PPP1R3A: variants seen among roughly 807,000 people sequenced by gnomAD.
The protein encoded by PPP1R3A is protein phosphatase 1 regulatory subunit 3A.
PPP1R3A carries 29 observed loss-of-function variants against 41.7 expected under a neutral mutation model. The observed-to-expected ratio is 0.70, with a 90% confidence interval of 0.52 to 0.95. PPP1R3A has a LOEUF of 0.95. Ranked by LOEUF, PPP1R3A falls within the 40% of genes least tolerant of loss-of-function variation. PPP1R3A has a pLI of 0.00. For missense variants in PPP1R3A, 1,352 were observed against 1,292.4 expected (o/e 1.05, Z -0.71); for synonymous variants, 485 against 453.4 (o/e 1.07, Z -0.89).
chr7:113,880,855 T>C (rs1043239653), intron 3 of PPP1R3A, among the ~76,000 whole-genome samples: 3 of 152,070 alleles, frequency 2.0e-5, no homozygotes, highest in Non-Finnish European at 4.4e-5. Context: ...TGCCTGTGGG[T>C]TCCACAGATT....
chr7:113,893,010 C>T (rs1317512962), intron 1 of PPP1R3A, among the ~76,000 whole-genome samples: 1 of 151,856 alleles, frequency 6.6e-6, no homozygotes, highest in Non-Finnish European at 1.5e-5. Flanking sequence ...TCATGCTGAC[C>T]TTTCTCTCTA....
intron 1 of PPP1R3A, among the ~76,000 whole-genome samples, chr7:113,908,444 A>G (rs1797182732): frequency 6.6e-6 from 1 of 151,974 alleles, no homozygotes; most frequent in South Asian, 2.1e-4. Context: ...TTTCCTAAAT[A>G]ATCAACTGGA....
At chr7:113,909,707 G>T (rs1252506018) in intron 1 of PPP1R3A, among the ~76,000 whole-genome samples, 5 of 151,996 alleles carry the variant, frequency 3.3e-5, no homozygotes, top group Non-Finnish European at 5.9e-5. Context: ...TATTTGACAT[G>T]GAAAATAGAA....
At chr7:113,896,742 A>G (rs1796981691) in intron 1 of PPP1R3A, among the ~76,000 whole-genome samples, 1 of 151,872 alleles carries the variant, frequency 6.6e-6, no homozygotes, top group Non-Finnish European at 1.5e-5. Context: ...AAATGAGGAA[A>G]CAGATGTAAG....
intron 1 of PPP1R3A, among the ~76,000 whole-genome samples, chr7:113,888,375 G>C (rs1411388882): frequency 1.3e-5 from 2 of 151,994 alleles, no homozygotes; most frequent in African/African-American, 4.8e-5. Context: ...AAATGATAAG[G>C]GCAAAGGGTA....
At position 113,882,323 on chromosome 7, in the gene PPP1R3A, G is replaced by A. The variant is rs894567888; in HGVS notation, c.783-3C>T. ...ATGTTACTGATGATTCTTCTTTACTGTTAAATTTAAAAGAAAATGTTATAT... is the reference window on the plus strand; with the variant it reads ...ATGTTACTGATGATTCTTCTTTACTATTAAATTTAAAAGAAAATGTTATAT... On this transcript the variant is annotated splice_polypyrimidine_tract_variant and splice_region_variant and intron_variant, in intron 1 of 3. Coordinates refer to ENST00000284601, the MANE Select transcript of PPP1R3A (RefSeq NM_002711.4). 7 of 1,432,554 alleles carry A rather than the reference G, an allele frequency of 4.9e-6. No individual in the cohort carries two copies. The Admixed American group carries it at 6.8e-5, about 14-fold the overall frequency. 88.7% of individuals were successfully genotyped at this position (1,432,554 alleles called of 1,614,324 possible). A position where few individuals can be genotyped will look rare whatever the true frequency, so the allele number is the denominator to read the frequency against.
rs142416047 is a variant in PPP1R3A, at chr7:113,879,382, G to C, written c.1710C>G (p.Thr570=). The C allele has an allele frequency of 1.9e-6, 3 of 1,613,368 alleles. No individual in the cohort carries two copies. Among genetic ancestry groups the C allele is most frequent in the Admixed American group, 1.7e-5 (1 of 59,850 alleles). Residue 570 remains threonine, a synonymous_variant, in exon 4 of 4, where the codon ACC becomes ACG. Coordinates refer to ENST00000284601, the MANE Select transcript of PPP1R3A (RefSeq NM_002711.4). ...RDLATLLSEH[T]AIPTRAITAD... ...CTGTGATTGCCCGGGTGGGGATTGC[G>C]GTATGTTCGCTCAGCAGAGTAGCCA...
chr7:113,886,896 T>C (rs1401117749), intron 1 of PPP1R3A, among the ~76,000 whole-genome samples: 1 of 152,134 alleles, frequency 6.6e-6, no homozygotes, highest in Non-Finnish European at 1.5e-5. Context: ...TTTGAATATC[T>C]CTCATTTCAC....
At position 113,878,009 on chromosome 7, in the gene PPP1R3A, T is replaced by C; in HGVS notation, c.3083A>G (p.Asn1028Ser). ...TTGCCCAGAGCTTACTAATCCTTCA[T>C]TTTCATGCCTTGCTTCTTCCATATT... ...LENMEEARHENEGLVSSGQSL... is the reference protein window; with the variant it reads ...LENMEEARHESEGLVSSGQSL... The change falls in exon 4 of 4, where the codon AAT becomes AGT. Residue 1028 changes from asparagine to serine, a missense_variant. Transcript: ENST00000284601. 2 of 1,613,318 alleles carry C rather than the reference T, an allele frequency of 1.2e-6. No homozygotes were observed. Among genetic ancestry groups the C allele is most frequent in the Non-Finnish European group, 8.5e-7 (1 of 1,179,606 alleles).
At chr7:113,906,577 G>A (rs973700823) in intron 1 of PPP1R3A, among the ~76,000 whole-genome samples, 8 of 151,716 alleles carry the variant, frequency 5.3e-5, no homozygotes, top group African/African-American at 1.9e-4. Flanking sequence ...GATCCAGATG[G>A]AGATGTATAG....
chr7:113,880,018 CT>C lies in PPP1R3A; in HGVS notation c.1073del (p.Lys358ArgfsTer27). ...NFPNKAEGLE[K>X]KQIHGEICTD... ...TACATATTTCACCATGGATTTGCTT[CT>C]TCTCTAACCCCTCTGCTTTATTTGG... On this transcript the variant is annotated frameshift_variant, in exon 4 of 4. Coordinates refer to ENST00000284601, the MANE Select transcript of PPP1R3A (RefSeq NM_002711.4). LOFTEE classifies it low-confidence loss of function (END_TRUNC). 1 of 1,612,074 alleles carries C rather than the reference CT, an allele frequency of 6.2e-7. No homozygotes were observed.
intron 1 of PPP1R3A, among the ~76,000 whole-genome samples, chr7:113,887,254 A>T (rs1453480946): frequency 6.6e-6 from 1 of 152,086 alleles, no homozygotes; most frequent in African/African-American, 2.4e-5. Context: ...AAATCATTAT[A>T]ATTTTAGAAA....
At chr7:113,911,731 T>C (rs1261975324) in intron 1 of PPP1R3A, among the ~76,000 whole-genome samples, 2 of 152,242 alleles carry the variant, frequency 1.3e-5, no homozygotes, top group South Asian at 2.1e-4. Flanking sequence ...CCAAGACTTA[T>C]TGAACCATAA....
chr7:113,912,921 G>A (rs1377603627), intron 1 of PPP1R3A, among the ~76,000 whole-genome samples: 1 of 151,994 alleles, frequency 6.6e-6, no homozygotes, highest in African/African-American at 2.4e-5. Flanking sequence ...TCTTCTCTCA[G>A]AAAAGTTTCA....
rs559575991 is a variant in PPP1R3A at position 113,882,308 on chromosome 7, T to C, written c.795A>G (p.Ser265=). The C allele has an allele frequency of 2.7e-6, 4 of 1,458,218 alleles. No individual in the cohort carries two copies. The East Asian group carries it at 6.9e-5, about 25-fold the overall frequency. 90.3% of individuals were successfully genotyped at this position (1,458,218 alleles called of 1,614,324 possible). Residue 265 remains serine (S), a synonymous_variant, in exon 2 of 4, where the codon TCA becomes TCG. Transcript: ENST00000284601. ...CLKVKSSKEE[S]SVTSEENNFE... is the part of the protein sequence containing the mutation. ...AGTTATTTTCTTCTGATGTTACTGA[T>C]GATTCTTCTTTACTGTTAAATTTAA...
intron 1 of PPP1R3A, among the ~76,000 whole-genome samples, chr7:113,901,340 C>T (rs1797058394): frequency 6.6e-6 from 1 of 151,762 alleles, no homozygotes; most frequent in Non-Finnish European, 1.5e-5. Flanking sequence ...GACTCTCCAA[C>T]TCTATAGCTG....
rs370637787 is a variant in PPP1R3A at position 113,877,696 on chromosome 7, T to C, written c.*27A>G. The C allele has an allele frequency of 8.5e-6, 13 of 1,520,790 alleles. No homozygotes were observed. Among genetic ancestry groups the C allele is most frequent in the Non-Finnish European group, 1.1e-5 (12 of 1,137,518 alleles). 94.2% of individuals were successfully genotyped at this position (1,520,790 alleles called of 1,614,324 possible). A position where few individuals can be genotyped will look rare whatever the true frequency, so the allele number is the denominator to read the frequency against. On this transcript the variant is annotated 3_prime_UTR_variant, in exon 4 of 4. Coordinates refer to ENST00000284601, the MANE Select transcript of PPP1R3A (RefSeq NM_002711.4). ...AATGTTTGGGGTTAAATAGCTTATC[T>C]TTTAAGAGAGAATAGTAGTGCTGAG...
intron 1 of PPP1R3A, among the ~76,000 whole-genome samples, chr7:113,883,448 C>A (rs748215394): frequency 1.1e-4 from 16 of 151,910 alleles, no homozygotes; most frequent in Non-Finnish European, 1.6e-4. Context: ...GAAGATAATT[C>A]AGTTTTATAT....
chr7:113,880,030 C>T lies in PPP1R3A; in HGVS notation c.1062G>A (p.Glu354=), dbSNP rs1183825310. The T allele has an allele frequency of 1.9e-6, 3 of 1,611,476 alleles. No individual in the cohort carries two copies. Among genetic ancestry groups the T allele is most frequent in the Non-Finnish European group, 2.5e-6 (3 of 1,177,968 alleles). ...CATGGATTTGCTTCTTCTCTAACCC[C>T]TCTGCTTTATTTGGAAAATTGACTG... ...TDPVNFPNKA[E]GLEKKQIHGE... Residue 354 remains glutamate, a synonymous_variant, in exon 4 of 4, where the codon GAG becomes GAA. Coordinates refer to ENST00000284601, the MANE Select transcript of PPP1R3A (RefSeq NM_002711.4).
Sources: gnomAD v4.1 joint callset for allele counts (sites outside exome capture counted in the v4.1 genomes callset) on GRCh38, gnomAD v4.1.1 for gene constraint, MANE v1.5 for transcripts, NCBI Gene and HGNC (gene_info 2026-07-23, HGNC 2026-07-21) for gene names.